The following PCSK6 variants were observed in gnomAD, a reference collection of about 807,000 sequenced individuals.
The protein encoded by PCSK6 is paired basic amino acid cleaving enzyme 4.
In PCSK6, 85 loss-of-function variants were observed where a neutral mutation model predicts 123.3. That is an observed-to-expected ratio of 0.69 (90% confidence interval 0.58 to 0.83). The LOEUF is 0.83. Ranked by LOEUF, PCSK6 falls within the 40% of genes least tolerant of loss-of-function variation. PCSK6 has a pLI of 0.00. For synonymous variants in PCSK6, 508 were observed against 516.0 expected, an observed-to-expected ratio of 0.98 and a Z score of 0.21; for missense variants, 1,191 against 1,282.3, an observed-to-expected ratio of 0.93 and a Z score of 1.09.
At chr15:101,307,606 C>A (rs1378391354) in intron 20 of PCSK6, 3 of 377,440 alleles carry the variant, frequency 7.9e-6, no homozygotes, top group African/African-American at 2.1e-5. Context: ...AGGCTTCCCG[C>A]AGCTCACCTG....
chr15:101,391,658 C>A (rs1484567650), intron 8 of PCSK6, among the ~76,000 whole-genome samples: 1 of 152,334 alleles, frequency 6.6e-6, no homozygotes, highest in East Asian at 1.9e-4. Context: ...AGAATGCAGG[C>A]GGACAGGGTT....
intron 20 of PCSK6, among the ~76,000 whole-genome samples, chr15:101,311,490 G>T (rs1424206202): frequency 6.6e-6 from 1 of 151,974 alleles, no homozygotes; most frequent in Non-Finnish European, 1.5e-5. Flanking sequence ...CCTGCCATCA[G>T]GAGTGAAGAC....
intron 1 of PCSK6, among the ~76,000 whole-genome samples, chr15:101,463,797 C>T (rs4965872): frequency 0.77 from 117,139 of 151,950 alleles, 45,570 homozygotes; most frequent in Non-Finnish European, 0.82. Context: ...GAGGGTGTGG[C>T]AATAACAGTG....
chr15:101,481,284 A>G (rs2057873739), intron 1 of PCSK6, among the ~76,000 whole-genome samples: 1 of 151,326 alleles, frequency 6.6e-6, no homozygotes, highest in African/African-American at 2.4e-5. Context: ...TGGAACTGAC[A>G]GTGCAGCAGA....
At position 101,382,336 on chromosome 15, in the gene PCSK6, C is replaced by A. The variant is rs548035828; in HGVS notation, c.1415-127G>T. On this transcript the variant is annotated intron_variant, in intron 10 of 21. Coordinates refer to ENST00000611716, the MANE Select transcript of PCSK6 (RefSeq NM_002570.5). ...CGTAAGACTCGAGGTCTCCTGGGGG[C>A]CCCAGGCTGCAGGACGGGTCCCCCT... 17 of 698,038 alleles carry A rather than the reference C, an allele frequency of 2.4e-5. No homozygotes were observed. The African/African-American group carries it at 2.9e-4, about 12-fold the overall frequency. The allele number at this position is 698,038 out of a possible 1,614,324, so 43.2% of individuals were successfully genotyped here. A position where few individuals can be genotyped will look rare whatever the true frequency, so the allele number is the denominator to read the frequency against.
At chr15:101,343,810 G>A (rs1019946741) in intron 13 of PCSK6, among the ~76,000 whole-genome samples, 1 of 152,166 alleles carries the variant, frequency 6.6e-6, no homozygotes, top group Admixed American at 6.5e-5. Context: ...GGGTGTATTG[G>A]CCGGGCGCGG....
At chr15:101,366,446 C>G (rs918713312) in intron 12 of PCSK6, 114 bp from the exon 13 acceptor site, 2 of 1,109,134 alleles carry the variant, frequency 1.8e-6, no homozygotes, top group African/African-American at 3.2e-5. Context: ...GGACCGTACC[C>G]CCAGGGTAGC....
intron 13 of PCSK6, among the ~76,000 whole-genome samples, chr15:101,340,462 T>C (rs1309611020): frequency 6.6e-6 from 1 of 152,246 alleles, no homozygotes; most frequent in Non-Finnish European, 1.5e-5. Context: ...TCTTTTAAGA[T>C]GCTCCAGCTT....
chr15:101,449,610 C>T (rs1472909188), intron 1 of PCSK6, among the ~76,000 whole-genome samples: 3 of 152,170 alleles, frequency 2.0e-5, no homozygotes, highest in East Asian at 3.8e-4. Flanking sequence ...TCGCCACCTT[C>T]GTACATGTCA....
chr15:101,393,186 C>T (rs1408785459), intron 8 of PCSK6, 26 bp downstream of exon 8: 1 of 1,559,090 alleles, frequency 6.4e-7, no homozygotes, highest in Admixed American at 1.7e-5. Context: ...TCACTGTAAG[C>T]ACTCCAACTT....
chr15:101,340,470 C>G (rs533133919), intron 13 of PCSK6, among the ~76,000 whole-genome samples: 9 of 152,314 alleles, frequency 5.9e-5, no homozygotes, highest in African/African-American at 2.2e-4. Context: ...GATGCTCCAG[C>G]TTTTCCAAAG....
intron 13 of PCSK6, among the ~76,000 whole-genome samples, chr15:101,343,918 T>A (rs2040674298): frequency 6.6e-6 from 1 of 152,206 alleles, no homozygotes; most frequent in East Asian, 1.9e-4. Flanking sequence ...TGAAACCCTG[T>A]CTCTACTAAA....
At chr15:101,362,700 T>TA (rs1347121178) in intron 13 of PCSK6, among the ~76,000 whole-genome samples, 4 of 152,156 alleles carry the variant, frequency 2.6e-5, no homozygotes, top group Non-Finnish European at 5.9e-5. Flanking sequence ...CGCAACCCAG[T>TA]AACTTGCGTA....
intron 19 of PCSK6, among the ~76,000 whole-genome samples, chr15:101,314,820 C>T (rs995578496): frequency 6.6e-5 from 10 of 152,182 alleles, no homozygotes; most frequent in Non-Finnish European, 5.9e-5. Context: ...TCCTGAGGTG[C>T]GGTGGAAGAG....
At chr15:101,331,465 G>A (rs187301460) in intron 15 of PCSK6, among the ~76,000 whole-genome samples, 186 bp downstream of exon 15, 145 of 152,270 alleles carry the variant, frequency 9.5e-4, no homozygotes, top group African/African-American at 3.2e-3. Context: ...TGACCTCAAG[G>A]ACTGAAAGTG....
Position 101,392,323 on chromosome 15 carries a change from CAG to C in PCSK6, c.1209+887_1209+888del, listed in dbSNP as rs1318384338. 3.3e-5 allele frequency among the ~76,000 whole-genome samples: 5 copies of C among 152,358 alleles called. No individual in the cohort carries two copies. The East Asian group carries it at 9.6e-4, about 29-fold the overall frequency. On this transcript the variant is annotated intron_variant, in intron 8 of 21. Coordinates refer to ENST00000611716, the MANE Select transcript of PCSK6 (RefSeq NM_002570.5). ...GGCCGAGCTGCTACCAGGCTGGCGACAGAACGATGGCAGCTGACCTTTCACTG... is the reference window on the plus strand; with the variant it reads ...GGCCGAGCTGCTACCAGGCTGGCGACAACGATGGCAGCTGACCTTTCACTG...
At chr15:101,397,793 G>A (rs1002810721) in intron 7 of PCSK6, among the ~76,000 whole-genome samples, 3 of 152,226 alleles carry the variant, frequency 2.0e-5, no homozygotes, top group Non-Finnish European at 4.4e-5. Flanking sequence ...AAAGACCACA[G>A]AGTGGCTGGC....
At chr15:101,414,905 G>C (rs1476293273) in intron 6 of PCSK6, among the ~76,000 whole-genome samples, 2 of 152,152 alleles carry the variant, frequency 1.3e-5, no homozygotes, top group Admixed American at 1.3e-4. Flanking sequence ...CCAGATACAT[G>C]CTGCTTATAA....
intron 7 of PCSK6, among the ~76,000 whole-genome samples, chr15:101,393,864 G>A (rs895837512): frequency 6.6e-6 from 1 of 152,232 alleles, no homozygotes; most frequent in South Asian, 2.1e-4. Context: ...AGCTGGTCTG[G>A]TGGGGAAAAG....
Sources: allele counts gnomAD v4.1 joint callset (sites outside exome capture counted in the v4.1 genomes callset), GRCh38; gene constraint gnomAD v4.1.1; transcripts MANE v1.5; gene names NCBI Gene and HGNC (gene_info 2026-07-23, HGNC 2026-07-21).